The following UBQLN4 variants were observed in gnomAD, a reference collection of about 807,000 sequenced individuals.
The protein encoded by UBQLN4 is ubiquilin 4.
In UBQLN4, 11 loss-of-function variants were observed where a neutral mutation model predicts 60.4. The observed-to-expected ratio is 0.18, with a 90% CI of 0.11 to 0.30. The LOEUF (loss-of-function observed/expected upper bound fraction) is 0.30, where lower values mean the gene tolerates loss of function less well. UBQLN4 is among the 10% of genes least tolerant of loss of function. UBQLN4 has a pLI of 1.00. For missense variants in UBQLN4, 417 were observed against 795.5 expected (o/e 0.52, Z 5.72); for synonymous variants, 258 against 313.1 (o/e 0.82, Z 1.86).
chr1:156,037,371 G>A (rs1051563674), intron 10 of UBQLN4, among the ~76,000 whole-genome samples: 19 of 151,636 alleles, frequency 1.3e-4, no homozygotes, highest in Non-Finnish European at 2.1e-4. Flanking sequence ...TGAGGCGGGC[G>A]GATCACGAGG....
chr1:156,036,203 G>T lies in UBQLN4; in HGVS notation c.*775C>A. The T allele has an allele frequency of 1.0e-6, 1 of 985,590 alleles. No homozygotes were observed. The highest frequency in any genetic ancestry group is 1.2e-6 in the Non-Finnish European group (1 of 829,948). The allele number at this position is 985,590 out of a possible 1,614,324, so 61.1% of individuals were successfully genotyped here. ...ATTCTTCTGCCTAAAAGAGCTATGA[G>T]TGCTTCTGCTCCCCACTGTTAATTC... On this transcript the variant is annotated 3_prime_UTR_variant, in exon 11 of 11. Transcript: ENST00000368309.
downstream of UBQLN4, chr1:156,033,222 G>A (rs1683325122): frequency 1.0e-6 from 1 of 985,468 alleles, no homozygotes; most frequent in Non-Finnish European, 1.2e-6. Context: ...TGACTCAGCT[G>A]TGAGCTTCAC....
Position 156,050,228 on chromosome 1 carries a change from A to C in UBQLN4, c.741+63T>G, listed in dbSNP as rs1417485631. 1.3e-6 allele frequency: 2 copies of C among 1,504,104 alleles called. No individual in the cohort carries two copies. The highest frequency in any genetic ancestry group is 8.9e-7 in the Non-Finnish European group (1 of 1,124,732). The allele number at this position is 1,504,104 out of a possible 1,614,324, so 93.2% of individuals were successfully genotyped here. ...CAAATCAATGTAGGACAAAGTAGGA[A>C]AGGCTGGGCAGGGCACGGCTGGGCA... On this transcript the variant is annotated intron_variant, in intron 4 of 10. Transcript: ENST00000368309. The surrounding 1 kb of genome is among the most constrained non-coding windows in gnomAD (Gnocchi z 4.6).
At chr1:156,051,921 C>G in intron 1 of UBQLN4, 64 bp from the exon 2 acceptor site, 1 of 1,599,400 alleles carries the variant, frequency 6.3e-7, no homozygotes, top group Non-Finnish European at 8.5e-7. Flanking sequence ...GGGACCCTGA[C>G]TCTTTTTCAA....
chr1:156,049,999 T>C (rs1683825638), intron 4 of UBQLN4, among the ~76,000 whole-genome samples: 1 of 152,226 alleles, frequency 6.6e-6, no homozygotes, highest in Non-Finnish European at 1.5e-5. Context: ...AGGCCTCCTC[T>C]AAGCCTTAGG....
intron 2 of UBQLN4, 131 bp from the exon 3 acceptor site, chr1:156,051,458 G>T: frequency 8.0e-7 from 1 of 1,248,302 alleles, no homozygotes; most frequent in Non-Finnish European, 1.1e-6. Flanking sequence ...TGAGGCTGGA[G>T]TGGGGTGATG....
At chr1:156,044,663 T>C (rs1683653502) in intron 5 of UBQLN4, among the ~76,000 whole-genome samples, 1 of 152,134 alleles carries the variant, frequency 6.6e-6, no homozygotes, top group African/African-American at 2.4e-5. Flanking sequence ...ACTGGCTTAA[T>C]GGGAGTGGGC....
chr1:156,042,016 C>A (rs1225803419), intron 8 of UBQLN4, 29 bp from the exon 9 acceptor site: 3 of 1,613,678 alleles, frequency 1.9e-6, no homozygotes, highest in South Asian at 1.1e-5. Context: ...AGAAAGGCAT[C>A]AAGAGGTGGC....
At chr1:156,040,441 ATTTTTTT>A (rs112995184) in intron 10 of UBQLN4, among the ~76,000 whole-genome samples, 194 of 108,996 alleles carry the variant, frequency 1.8e-3, no homozygotes, top group Middle Eastern at 4.9e-3. Flanking sequence ...CAGTCCACAC[ATTTTTTT>A]TTTTTTTTTT....
rs1449988310 is a variant in UBQLN4 at position 156,036,619 on chromosome 1, G to C, written c.*359C>G. On this transcript the variant is annotated 3_prime_UTR_variant, in exon 11 of 11. Transcript: ENST00000368309. ...CCTAGTGGTATAGATGGAAGACTAT[G>C]TTCCAGTAAACCAGAGAGCTGGTTC... The C allele has an allele frequency of 9.8e-7, 1 of 1,023,222 alleles. No individual in the cohort carries two copies. The highest frequency in any genetic ancestry group is 1.2e-6 in the Non-Finnish European group (1 of 852,986). The allele number at this position is 1,023,222 out of a possible 1,614,324, so 63.4% of individuals were successfully genotyped here. A position where few individuals can be genotyped will look rare whatever the true frequency, so the allele number is the denominator to read the frequency against.
chr1:156,038,318 G>C (rs1683459825), intron 10 of UBQLN4, among the ~76,000 whole-genome samples: 2 of 151,760 alleles, frequency 1.3e-5, no homozygotes, highest in Admixed American at 1.3e-4. Flanking sequence ...CGGAGGTGCA[G>C]TGAGCTGAAA....
intron 10 of UBQLN4, 29 bp from the exon 11 acceptor site, chr1:156,037,159 C>T: frequency 1.2e-6 from 2 of 1,606,466 alleles, no homozygotes; most frequent in Non-Finnish European, 1.7e-6. Flanking sequence ...GTGAAGTGGG[C>T]ACAGGACCAA....
chr1:156,051,112 A>C lies in UBQLN4; in HGVS notation c.476T>G (p.Leu159Arg). The change falls in exon 3 of 11, where the codon CTC (leucine) becomes CGC (arginine). Residue 159 changes from leucine to arginine, a missense_variant and splice_region_variant. Physicochemically the swap from Leu to Arg is moderately radical, Grantham distance 102 (BLOSUM62 -2). Transcript: ENST00000368309. Reference sequence around the variant, plus strand: ...TGCTCTCCTCTCTGAGGGCTTACAGAGTATGGACGCAGTAGCACTGGGGGA... The same window carrying C: ...TGCTCTCCTCTCTGAGGGCTTACAGCGTATGGACGCAGTAGCACTGGGGGA... ...EGSPSATASI[L>R]SGFGGILGLG... 6.2e-7 allele frequency: 1 copy of C among 1,613,160 alleles called. No homozygotes were observed. The highest frequency in any genetic ancestry group is 8.5e-7 in the Non-Finnish European group (1 of 1,179,478).
chr1:156,034,543 A>G (rs201090282), downstream of UBQLN4, among the ~76,000 whole-genome samples: 1 of 150,842 alleles, frequency 6.6e-6, no homozygotes, highest in Non-Finnish European at 1.5e-5. Context: ...TGATCCACCC[A>G]CCTCAGCCTC....
Position 156,041,663 on chromosome 1 carries a change from G to A in UBQLN4, c.1475C>T (p.Ser492Phe), listed in dbSNP as rs1216673118. ...EAPGLVPSLG[S>F]FGISRTPAPS... is the part of the protein sequence containing the mutation. ...TGCTGGGGTCCGGGATATCCCAAAG[G>A]AGCCAAGGCTGTAGGCAAGAGAGAC... The change falls in exon 10 of 11, where the codon TCC becomes TTC. Residue 492 changes from serine (S) to phenylalanine (F), a missense_variant. Transcript: ENST00000368309. The A allele has an allele frequency of 6.4e-6, 10 of 1,555,172 alleles. No individual in the cohort carries two copies. The South Asian group carries it at 1.2e-4, about 19-fold the overall frequency.
chr1:156,042,911 T>A lies in UBQLN4; in HGVS notation c.1129A>T (p.Met377Leu). The change falls in exon 7 of 11, where the codon ATG becomes TTG. Residue 377 changes from methionine (M) to leucine (L), a missense_variant and splice_region_variant. By Grantham distance (15) the Met-to-Leu change is conservative. Transcript: ENST00000368309. The part of the protein sequence containing the change: ...GINAASLGSG[M>L]FNSPEMQALL... Reference sequence around the variant, plus strand: ...GCTTGCATTTCTGGGCTATTGAACATCCCTAGGACAAGGCGGAAAAAAAGA... The same window carrying A: ...GCTTGCATTTCTGGGCTATTGAACAACCCTAGGACAAGGCGGAAAAAAAGA... 1.9e-6 allele frequency: 3 copies of A among 1,613,698 alleles called. No individual in the cohort carries two copies. Among genetic ancestry groups the A allele is most frequent in the Non-Finnish European group, 2.5e-6 (3 of 1,179,894 alleles).
Position 156,051,340 on chromosome 1 carries a change from A to G in UBQLN4, c.261-13T>C, listed in dbSNP as rs910986291. 38 of 1,551,980 alleles carry G rather than the reference A, an allele frequency of 2.4e-5. No homozygotes were observed. The highest frequency in any genetic ancestry group is 3.0e-5 in the Non-Finnish European group (34 of 1,147,022). On this transcript the variant is annotated splice_polypyrimidine_tract_variant and intron_variant, in intron 2 of 10. Transcript: ENST00000368309. Reference sequence around the variant, plus strand: ...TGGATCTTGAGCCCTGAGGACAGAGAAAGGAGAATCCTGTTGGAGTGAGCA... The same window carrying G: ...TGGATCTTGAGCCCTGAGGACAGAGGAAGGAGAATCCTGTTGGAGTGAGCA...
At chr1:156,051,353 G>A in intron 2 of UBQLN4, 26 bp from the exon 3 acceptor site, 1 of 1,549,512 alleles carries the variant, frequency 6.5e-7, no homozygotes, top group Non-Finnish European at 8.7e-7. Flanking sequence ...GGAGAATCCT[G>A]TTGGAGTGAG....
rs764861236 is a variant in UBQLN4, at chr1:156,051,889, G to A, written c.109-32C>T. 2.5e-6 allele frequency: 4 copies of A among 1,612,162 alleles called. No homozygotes were observed. In the African/African-American group the frequency reaches 4.0e-5, roughly 16 times the overall value. On this transcript the variant is annotated intron_variant, in intron 1 of 10. Transcript: ENST00000368309. ...TCAAGAGGCAGAGGTCACTGTGGAG[G>A]CTGCCTGGACTCCCCCTACCAGGGA... is the stretch of plus-strand genomic sequence containing the variant.
Sources: gnomAD v4.1 joint callset for allele counts (sites outside exome capture counted in the v4.1 genomes callset) on GRCh38, gnomAD v4.1.1 for gene constraint, Gnocchi (gnomAD v3.1) non-coding constraint, MANE v1.5 for transcripts, NCBI Gene and HGNC (gene_info 2026-07-23, HGNC 2026-07-21) for gene names.